Variants in PNKP observed in about 807,000 individuals in gnomAD.
PNKP encodes polynucleotide kinase 3'-phosphatase, also known as bifunctional polynucleotide phosphatase/kinase.
A neutral mutation model predicts 66.2 loss-of-function variants in PNKP; 82 were observed. The ratio of observed to expected loss-of-function variants is 1.24; its 90% confidence interval spans 1.04 to 1.49. The LOEUF (loss-of-function observed/expected upper bound fraction) is 1.49. Ranked by LOEUF, PNKP falls within the 40% of genes most tolerant of loss-of-function variation. The pLI, the probability that PNKP is intolerant of heterozygous loss-of-function variation, is 0.00. For synonymous variants in PNKP, 412 were observed against 298.9 expected (o/e 1.38, Z -3.90); for missense variants, 907 against 706.8 (o/e 1.28, Z -3.21).
Position 49,861,249 on chromosome 19 carries a change from C to T in PNKP, c.1565G>A (p.Ter522=), listed in dbSNP as rs778165913. The T allele has an allele frequency of 1.6e-5, 25 of 1,587,106 alleles. No homozygotes were observed. Among genetic ancestry groups the T allele is most frequent in the Admixed American group, 3.3e-5 (2 of 59,988 alleles). ...GRLYCQFSEG[*] ...TTGTGGAGGGGAGCTGGGCGGGGCTCAGCCCTCGGAGAACTGGCAGTACAG... is the reference window on the plus strand; with the variant it reads ...TTGTGGAGGGGAGCTGGGCGGGGCTTAGCCCTCGGAGAACTGGCAGTACAG... Residue 522 remains the stop codon, a stop_retained_variant, in exon 17 of 17, where the codon TGA becomes TAA. Coordinates refer to ENST00000322344, the MANE Select transcript of PNKP (RefSeq NM_007254.4).
chr19:49,864,291 C>A, intron 5 of PNKP, 33 bp downstream of exon 5: 1 of 1,611,480 alleles, frequency 6.2e-7, no homozygotes, highest in Non-Finnish European at 8.5e-7. Flanking sequence ...GGACTCCAGG[C>A]CTCACTCACT....
At chr19:49,863,518 C>T (rs906995434) in intron 8 of PNKP, among the ~76,000 whole-genome samples, 171 bp downstream of exon 8, 1 of 152,262 alleles carries the variant, frequency 6.6e-6, no homozygotes, top group African/African-American at 2.4e-5. Flanking sequence ...TGTAGAAAGT[C>T]TGAAAGCACT....
chr19:49,863,584 G>A (rs2074796035), intron 8 of PNKP, 105 bp downstream of exon 8: 4 of 788,904 alleles, frequency 5.1e-6, no homozygotes, highest in Non-Finnish European at 2.2e-6. Flanking sequence ...GAGGGAGCGA[G>A]AGAGGACAGA....
intron 12 of PNKP, 35 bp downstream of exon 12, chr19:49,862,150 G>A (rs200776490): frequency 3.9e-4 from 631 of 1,613,676 alleles, no homozygotes; most frequent in Non-Finnish European, 3.2e-4. Flanking sequence ...ACCCAGGCGG[G>A]GCTCAGGGCA....
chr19:49,863,018 G>A lies in PNKP; in HGVS notation c.817-280C>T, dbSNP rs3739195. Among the ~76,000 whole-genome samples the A allele has an allele frequency of 1.3e-4, 20 of 152,036 alleles. 2 individuals are homozygous for A. The South Asian group carries it at 3.5e-3, about 27-fold the overall frequency. ...CCACCCTGCTACAGCTCCAGCCTCCGGCGTGCCGGCGCCTCCCAGGTTCCC... is the reference window on the plus strand; with the variant it reads ...CCACCCTGCTACAGCTCCAGCCTCCAGCGTGCCGGCGCCTCCCAGGTTCCC... On this transcript the variant is annotated intron_variant, in intron 8 of 16. Coordinates refer to ENST00000322344, the MANE Select transcript of PNKP (RefSeq NM_007254.4).
chr19:49,866,527 G>A lies in PNKP; in HGVS notation c.152-82C>T, dbSNP rs769930755. 7.5e-6 allele frequency: 10 copies of A among 1,330,544 alleles called. No homozygotes were observed. In the African/African-American group the frequency reaches 1.3e-4, roughly 17 times the overall value. 82.4% of individuals were successfully genotyped at this position (1,330,544 alleles called of 1,614,324 possible). A position where few individuals can be genotyped will look rare whatever the true frequency, so the allele number is the denominator to read the frequency against. ...TTTCTGGGGAGTGTGGCCTGCTTCA[G>A]GCTATAGCATCCAGGGAGTAAGAGG... On this transcript the variant is annotated intron_variant, in intron 2 of 16. Coordinates refer to ENST00000322344, the MANE Select transcript of PNKP (RefSeq NM_007254.4).
chr19:49,862,683 C>A lies in PNKP; in HGVS notation c.865+7G>T. Reference sequence around the variant, plus strand: ...CAGCCCACCCTCAGCAGCCTCCAGGCCCTTACCTCCCACAAAGATGCTGTC... The same window carrying A: ...CAGCCCACCCTCAGCAGCCTCCAGGACCTTACCTCCCACAAAGATGCTGTC... On this transcript the variant is annotated splice_region_variant and intron_variant, in intron 9 of 16. Transcript: ENST00000322344. 6.2e-7 allele frequency: 1 copy of A among 1,614,114 alleles called. No homozygotes were observed. Among genetic ancestry groups the A allele is most frequent in the Non-Finnish European group, 8.5e-7 (1 of 1,179,980 alleles).
Position 49,867,491 on chromosome 19 carries a change from C to T in PNKP, c.-36G>A. 1 of 483,432 alleles carries T rather than the reference C, an allele frequency of 2.1e-6. No individual in the cohort carries two copies. Among genetic ancestry groups the T allele is most frequent in the South Asian group, 2.4e-5 (1 of 42,452 alleles). 29.9% of individuals were successfully genotyped at this position (483,432 alleles called of 1,614,324 possible). ...CACCCGGGACCGCGGCTTGGGCTCA[C>T]GGCCACTTCCGACCAGGGAGGTCCT... On this transcript the variant is annotated 5_prime_UTR_variant, in exon 1 of 17. In the 5' UTR this introduces an upstream ATG that the reference lacks. Coordinates refer to ENST00000322344, the MANE Select transcript of PNKP (RefSeq NM_007254.4).
chr19:49,861,692 G>C lies in PNKP; in HGVS notation c.1302C>G (p.Tyr434Ter). Residue 434 changes from tyrosine (Y) to a stop codon, truncating the protein, a stop_gained, in exon 15 of 17, where the codon TAC (tyrosine) becomes TAG (stop). Coordinates refer to ENST00000322344, the MANE Select transcript of PNKP (RefSeq NM_007254.4). LOFTEE classifies it high-confidence loss of function. The stretch of plus-strand genomic sequence containing the variant: ...CGCCCGCGGCTCGGGCACACTGGAC[G>C]TACCTGTGGGGGAAGGAGCTGGATG... ...TNPDAASRARYVQCARAAGVP... is the reference protein window; with the variant it reads ...TNPDAASRAR 1 of 1,547,600 alleles carries C rather than the reference G, an allele frequency of 6.5e-7. No individual in the cohort carries two copies. Among genetic ancestry groups the C allele is most frequent in the Non-Finnish European group, 8.7e-7 (1 of 1,146,254 alleles).
intron 2 of PNKP, chr19:49,866,757 TC>T (rs777375638): frequency 8.4e-6 from 5 of 592,602 alleles, no homozygotes; most frequent in Non-Finnish European, 1.5e-5. Context: ...TTTACTTTTC[TC>T]CACAGGATCA....
At chr19:49,862,159 C>T (rs755614377) in intron 12 of PNKP, 26 bp downstream of exon 12, 1 of 1,613,566 alleles carries the variant, frequency 6.2e-7, no homozygotes, top group Non-Finnish European at 8.5e-7. Context: ...GGGCTCAGGG[C>T]ACGCGCACAG....
intron 3 of PNKP, 22 bp from the exon 4 acceptor site, chr19:49,865,448 CTGGGA>C: frequency 6.4e-7 from 1 of 1,564,158 alleles, no homozygotes; most frequent in African/African-American, 1.4e-5. Context: ...GAGGGAGGAG[CTGGGA>C]CTGGCTCCGC....
At chr19:49,863,571 A>G (rs2074795860) in intron 8 of PNKP, 118 bp downstream of exon 8, 3 of 731,082 alleles carry the variant, frequency 4.1e-6, no homozygotes, top group South Asian at 3.1e-5. Context: ...CAAAAAACAG[A>G]AGGAGGGAGC....
intron 2 of PNKP, chr19:49,866,701 T>C (rs1233441889): frequency 4.8e-6 from 3 of 619,162 alleles, no homozygotes; most frequent in East Asian, 2.8e-5. Context: ...TGGCTAGATA[T>C]AGGTCCGGGG....
chr19:49,861,925 G>A (rs768249162), intron 13 of PNKP, 44 bp from the exon 14 acceptor site: 1 of 1,579,512 alleles, frequency 6.3e-7, no homozygotes, highest in South Asian at 1.1e-5. Context: ...GACCCAGGGG[G>A]AGAGAAGACC....
rs765066454 is a variant in PNKP at position 49,867,187 on chromosome 19, G to A, written c.18C>T (p.Ala6=). ...GGCTCTCGAGCCACAAGCGGCCCGG[G>A]GCCTCCACCTCGCCCATCCTGGGTG... MGEVE[A]PGRLWLESPP... is the part of the protein sequence containing the mutation. The change falls in exon 2 of 17, where the codon GCC becomes GCT. Residue 6 remains alanine, a synonymous_variant. Transcript: ENST00000322344. The A allele has an allele frequency of 6.2e-7, 1 of 1,611,610 alleles. No individual in the cohort carries two copies. Among genetic ancestry groups the A allele is most frequent in the South Asian group, 1.1e-5 (1 of 91,016 alleles).
rs770042800 is a variant in PNKP, at chr19:49,862,555, A to G, written c.919T>C (p.Ser307Pro). The stretch of plus-strand genomic sequence containing the variant: ...GGCCTCACCAGGCGATCGGCGCAGG[A>G]GAAGTCTTTCTTCTTCCGCCCCGGG... The part of the protein sequence containing the change: ...WAPGRKKKDF[S>P]CADRLFALNL... Residue 307 changes from serine (S) to proline (P), a missense_variant, in exon 10 of 17, where the codon TCC becomes CCC. By Grantham distance (74) the Ser-to-Pro change is moderately conservative. Transcript: ENST00000322344. The G allele has an allele frequency of 3.1e-6, 5 of 1,612,114 alleles. No homozygotes were observed. In the East Asian group the frequency reaches 1.1e-4, roughly 36 times the overall value.
chr19:49,865,004 C>A, intron 4 of PNKP, 123 bp downstream of exon 4: 3 of 749,320 alleles, frequency 4.0e-6, no homozygotes, highest in African/African-American at 1.7e-5. Flanking sequence ...ACGATCCCTG[C>A]ATTTATCATT....
At position 49,867,140 on chromosome 19, in the gene PNKP, A is replaced by G. The variant is rs775819643; in HGVS notation, c.65T>C (p.Ile22Thr). ...GGCTTGCCCGTCCGAGGGCAGGAAG[A>G]TGGGGGGCGCTCCCCCAGGGGGGCT... is the stretch of plus-strand genomic sequence containing the variant. ...LESPPGGAPPIFLPSDGQALV... is the reference protein window; with the variant it reads ...LESPPGGAPPTFLPSDGQALV... The change falls in exon 2 of 17, where the codon ATC becomes ACC. Residue 22 changes from isoleucine to threonine, a missense_variant. Coordinates refer to ENST00000322344, the MANE Select transcript of PNKP (RefSeq NM_007254.4). The G allele has an allele frequency of 3.1e-6, 5 of 1,612,632 alleles. No homozygotes were observed. The Admixed American group carries it at 6.7e-5, about 21-fold the overall frequency.
Sources: allele counts gnomAD v4.1 joint callset (sites outside exome capture counted in the v4.1 genomes callset), GRCh38; gene constraint gnomAD v4.1.1; transcripts MANE v1.5; gene names NCBI Gene and HGNC (gene_info 2026-07-23, HGNC 2026-07-21).